The following HNRNPU variants were observed in gnomAD, a reference collection of about 807,000 sequenced individuals.
HNRNPU encodes the protein HNRNPU antisense RNA 1.
Under a neutral mutation model 94.7 loss-of-function variants are expected in HNRNPU, and 5 were observed. The ratio of observed to expected loss-of-function variants is 0.05; its 90% CI spans 0.03 to 0.11. The LOEUF (loss-of-function observed/expected upper bound fraction) is 0.11. HNRNPU is among the 10% of genes least tolerant of loss of function. The pLI, the probability that HNRNPU is intolerant of heterozygous loss-of-function variation, is 1.00. For synonymous variants in HNRNPU, 434 were observed against 381.6 expected, an observed-to-expected ratio of 1.14 and a Z score of -1.60; for missense variants, 710 against 1,049.2, an observed-to-expected ratio of 0.68 and a Z score of 4.47.
At chr1:244,859,524 CTTTAAACT>C (rs1680771554) in intron 4 of HNRNPU, 150 bp from the exon 5 acceptor site, 2 of 488,672 alleles carry the variant, frequency 4.1e-6, no homozygotes, top group African/African-American at 1.9e-5. Context: ...TTTGTAAGAA[CTTTAAACT>C]GATGTGCTTA....
intron 8 of HNRNPU, 115 bp downstream of exon 8, chr1:244,857,483 G>A (rs1680710700): frequency 9.3e-7 from 1 of 1,070,184 alleles, no homozygotes; most frequent in South Asian, 1.6e-5. Flanking sequence ...CTGACCTCAG[G>A]TGATCCATCC....
At chr1:244,860,611 C>A in intron 3 of HNRNPU, 137 bp from the exon 4 acceptor site, 1 of 665,124 alleles carries the variant, frequency 1.5e-6, no homozygotes, top group East Asian at 2.9e-5. Context: ...TGCTGTTGTT[C>A]CAATTTTCAG....
chr1:244,863,000 T>C (rs1385386088), intron 1 of HNRNPU: 2 of 437,940 alleles, frequency 4.6e-6, no homozygotes, highest in African/African-American at 4.1e-5. Context: ...CCCACGTGTA[T>C]CCCGAAGAGA....
chr1:244,859,672 C>G, intron 4 of HNRNPU: 1 of 206,874 alleles, frequency 4.8e-6, no homozygotes, highest in Middle Eastern at 1.7e-3. Flanking sequence ...TTTTTCTCAC[C>G]AACAAAAGCA....
Position 244,864,533 on chromosome 1 carries a change from G to C in HNRNPU, c.-226C>G. ...AGACTCGCCTGGCGCGAGCGAGCACGCAACGTCCTCTCGCAGGAGCGGCGC... is the reference window on the plus strand; with the variant it reads ...AGACTCGCCTGGCGCGAGCGAGCACCCAACGTCCTCTCGCAGGAGCGGCGC... On this transcript the variant is annotated 5_prime_UTR_variant, in exon 1 of 14. Transcript: ENST00000640218. 1 of 640,312 alleles carries C rather than the reference G, an allele frequency of 1.6e-6. No homozygotes were observed. Among genetic ancestry groups the C allele is most frequent in the Non-Finnish European group, 2.5e-6 (1 of 404,734 alleles). 39.7% of individuals were successfully genotyped at this position (640,312 alleles called of 1,614,324 possible).
intron 8 of HNRNPU, 87 bp downstream of exon 8, chr1:244,857,511 T>C: frequency 7.4e-7 from 1 of 1,346,342 alleles, no homozygotes; most frequent in South Asian, 1.4e-5. Flanking sequence ...CCTCTCAAAA[T>C]GCTGAGATTA....
chr1:244,864,296 C>T lies in HNRNPU; in HGVS notation c.12G>A (p.Ser4=), dbSNP rs745379201. Residue 4 remains serine (S), a synonymous_variant, in exon 1 of 14, where the codon TCG becomes TCA. Coordinates refer to ENST00000640218, the MANE Select transcript of HNRNPU (RefSeq NM_031844.3). ...CCTTCAGCTTTTTTACATTAACAGG[C>T]GAGGAACTCATGGTGAGGGCCCCGA... MSS[S]PVNVKKLKVS... 1 of 1,612,746 alleles carries T rather than the reference C, an allele frequency of 6.2e-7. No individual in the cohort carries two copies. The highest frequency in any genetic ancestry group is 1.3e-5 in the African/African-American group (1 of 74,880).
Position 244,857,678 on chromosome 1 carries a change from T to C in HNRNPU, c.1534A>G (p.Thr512Ala). The change falls in exon 8 of 14, where the codon ACC becomes GCC. Residue 512 changes from threonine to alanine, a missense_variant. Thr to Ala is a moderately conservative substitution (Grantham distance 58). Around this residue, in one of 8 missense-constraint regions of HNRNPU, gnomAD observed 150 missense variants for 187.9 expected, o/e 0.80. Transcript: ENST00000640218. ...MIGLPGAGKT[T>A]WVTKHAAENP... ...TCTGCTGCATGTTTAGTAACCCAGG[T>C]AGTTTTTCCAGCTCCTGGCAAGCCA... is the stretch of plus-strand genomic sequence containing the variant. 6.2e-7 allele frequency: 1 copy of C among 1,613,806 alleles called. No homozygotes were observed. Among genetic ancestry groups the C allele is most frequent in the Non-Finnish European group, 8.5e-7 (1 of 1,179,676 alleles).
At chr1:244,854,944 G>A (rs1359093353) in intron 13 of HNRNPU, 29 bp downstream of exon 13, 3 of 1,509,872 alleles carry the variant, frequency 2.0e-6, no homozygotes, top group Admixed American at 1.7e-5. Context: ...TACAATTAAT[G>A]TACATAAAGC....
chr1:244,860,272 G>T, intron 4 of HNRNPU, 63 bp downstream of exon 4: 2 of 1,469,122 alleles, frequency 1.4e-6, no homozygotes, highest in Non-Finnish European at 1.9e-6. Context: ...CGGCAATCCA[G>T]CCTAGGGAAC....
chr1:244,861,075 T>C (rs941145836), intron 3 of HNRNPU: 1 of 152,326 alleles, frequency 6.6e-6, no homozygotes, highest in African/African-American at 2.4e-5. Flanking sequence ...CAATTAGGGA[T>C]TAATTGCTTC....
In HNRNPU at chr1:244,863,693, C is replaced by T. The variant is rs1221660331; in HGVS notation, c.615G>A (p.Gln205=). Reference sequence around the variant, plus strand: ...TCTTACCTCCCGCCTGCTGCTGGCCCTGCCTCGCCCCGGGCGGCGCCACCG... The same window carrying T: ...TCTTACCTCCCGCCTGCTGCTGGCCTTGCCTCGCCCCGGGCGGCGCCACCG... The part of the protein sequence containing the change: ...AVTVAPPGAR[Q]GQQQAGGKKK... Residue 205 remains glutamine (Q), a synonymous_variant, in exon 1 of 14, where the codon CAG becomes CAA. Transcript: ENST00000640218. The T allele has an allele frequency of 1.9e-6, 3 of 1,564,870 alleles. No individual in the cohort carries two copies. The highest frequency in any genetic ancestry group is 1.4e-5 in the African/African-American group (1 of 71,656).
rs73128482 is a variant in HNRNPU at position 244,851,180 on chromosome 1, T to C, written c.*3270A>G. 225 of 152,356 alleles carry C rather than the reference T, an allele frequency of 1.5e-3. 1 individual carries two copies. The highest frequency in any genetic ancestry group is 5.3e-3 in the African/African-American group (220 of 41,574). The allele number at this position is 152,356 out of a possible 1,614,324, so 9.4% of individuals were successfully genotyped here. A position where few individuals can be genotyped will look rare whatever the true frequency, so the allele number is the denominator to read the frequency against. On this transcript the variant is annotated 3_prime_UTR_variant, in exon 14 of 14. Transcript: ENST00000640218. ...AATTATGGAAACACTTTGTAAAACATCCATTTATTATATCCAATGCTAAAC... is the reference window on the plus strand; with the variant it reads ...AATTATGGAAACACTTTGTAAAACACCCATTTATTATATCCAATGCTAAAC...
Position 244,860,399 on chromosome 1 carries a change from A to T in HNRNPU, c.953T>A (p.Phe318Tyr). 1 of 1,613,728 alleles carries T rather than the reference A, an allele frequency of 6.2e-7. No homozygotes were observed. The highest frequency in any genetic ancestry group is 8.5e-7 in the Non-Finnish European group (1 of 1,179,598). ...GGATGCTCTTCCTCCAGCCCAAAGAAAAGCAAAACTCTCCATTGTAAGGGA... is the reference window on the plus strand; with the variant it reads ...GGATGCTCTTCCTCCAGCCCAAAGATAAGCAAAACTCTCCATTGTAAGGGA... ...ASSLTMESFA[F>Y]LWAGGRASYG... The change falls in exon 4 of 14, where the codon TTT becomes TAT. Residue 318 changes from phenylalanine to tyrosine, a missense_variant. Phe to Tyr is a conservative substitution (Grantham distance 22). Coordinates refer to ENST00000640218, the MANE Select transcript of HNRNPU (RefSeq NM_031844.3).
intron 3 of HNRNPU, chr1:244,861,381 T>TCA (rs1248410104): frequency 6.6e-6 from 1 of 152,340 alleles, no homozygotes; most frequent in East Asian, 1.9e-4. Flanking sequence ...AGTCACCACT[T>TCA]CACTACCTTG....
At chr1:244,856,330 A>G in intron 10 of HNRNPU, 127 bp downstream of exon 10, 1 of 1,200,986 alleles carries the variant, frequency 8.3e-7, no homozygotes, top group Non-Finnish European at 1.2e-6. Context: ...GTATTGCTGG[A>G]AAAAATGTTA....
At position 244,862,468 on chromosome 1, in the gene HNRNPU, A is replaced by C. The variant is rs1484260185; in HGVS notation, c.870T>G (p.Leu290=). The stretch of plus-strand genomic sequence containing the variant: ...AGAAACAGCTTCACTTACAAGTATC[A>C]AGACAAACCACTGTGTCATCGAAGT... ...DEHFDDTVVC[L]DTYNCDLHFK... Residue 290 remains leucine, a synonymous_variant, in exon 3 of 14, where the codon CTT becomes CTG. Transcript: ENST00000640218. The C allele has an allele frequency of 1.2e-6, 2 of 1,611,868 alleles. No individual in the cohort carries two copies. Among genetic ancestry groups the C allele is most frequent in the African/African-American group, 1.3e-5 (1 of 74,870 alleles).
chr1:244,863,120 GCCCGGCTCCT>G (rs1680889262), intron 1 of HNRNPU: 1 of 45,218 alleles, frequency 2.2e-5, no homozygotes, highest in African/African-American at 1.6e-4. Context: ...GCCCCGCCCC[GCCCGGCTCCT>G]CCCGCCGGAA....
Position 244,863,762 on chromosome 1 carries a change from C to A in HNRNPU, c.546G>T (p.Glu182Asp). Residue 182 changes from glutamate (E) to aspartate (D), a missense_variant, in exon 1 of 14, where the codon GAG (glutamate) becomes GAT (aspartate). Glu to Asp is a conservative substitution (Grantham distance 45). This residue lies in a region of HNRNPU where 292 missense variants were observed against 293.4 expected (regional missense o/e 1.00). Transcript: ENST00000640218. ...TGGGGCCGCTGCTCTTCCCCGCGGCCTCCTTGGCGGCCCCGCGCTGCTGTT... is the reference window on the plus strand; with the variant it reads ...TGGGGCCGCTGCTCTTCCCCGCGGCATCCTTGGCGGCCCCGCGCTGCTGTT... ...QPQQQRGAAK[E>D]AAGKSSGPTS... 1 of 1,591,642 alleles carries A rather than the reference C, an allele frequency of 6.3e-7. No homozygotes were observed. Among genetic ancestry groups the A allele is most frequent in the Admixed American group, 1.7e-5 (1 of 57,530 alleles).
Sources: gnomAD v4.1 joint callset for allele counts on GRCh38, gnomAD v4.1.1 for gene constraint, gnomAD v4.1.1 regional missense constraint, MANE v1.5 for transcripts, NCBI Gene and HGNC (gene_info 2026-07-23, HGNC 2026-07-21) for gene names.